Variants in OOEP observed in about 807,000 individuals in gnomAD.
OOEP encodes oocyte expressed protein.
In OOEP, 16 loss-of-function variants were observed where a neutral mutation model predicts 13.7. That is an observed-to-expected ratio of 1.16 (90% CI 0.79 to 1.77). The LOEUF (loss-of-function observed/expected upper bound fraction) is 1.77. OOEP is among the 40% of genes most tolerant of loss of function. The pLI is 0.00. For synonymous variants in OOEP, 89 were observed against 77.1 expected, an observed-to-expected ratio of 1.15 and a Z score of -0.81; for missense variants, 195 against 193.1, an observed-to-expected ratio of 1.01 and a Z score of -0.06.
chr6:73,386,841 G>T (rs1258051735), intron 2 of OOEP, among the ~76,000 whole-genome samples: 3 of 150,902 alleles, frequency 2.0e-5, no homozygotes, highest in African/African-American at 7.3e-5. Context: ...GGTGGCAGGC[G>T]CCTGTAATCC....
chr6:73,386,241 T>C (rs943496094), intron 2 of OOEP, among the ~76,000 whole-genome samples: 2 of 152,064 alleles, frequency 1.3e-5, no homozygotes, highest in Admixed American at 1.3e-4. Context: ...ATTACAGGCA[T>C]GTGCCACCAT....
intron 2 of OOEP, among the ~76,000 whole-genome samples, chr6:73,387,383 A>G (rs1291155879): frequency 5.3e-5 from 8 of 151,916 alleles, no homozygotes. Context: ...GTGTGGTGGC[A>G]GGTGCCTTTA....
chr6:73,373,194 G>A, upstream of OOEP: 2 of 1,612,400 alleles, frequency 1.2e-6, no homozygotes, highest in Non-Finnish European at 1.7e-6. Flanking sequence ...ATCCACTGGG[G>A]AATGGGACGA....
upstream of OOEP, chr6:73,395,122 G>A: frequency 1.2e-6 from 2 of 1,613,932 alleles, no homozygotes; most frequent in East Asian, 4.5e-5. Flanking sequence ...GCTGTGTTTT[G>A]CTTTGAAGAG....
chr6:73,373,749 C>T (rs947440817), upstream of OOEP, among the ~76,000 whole-genome samples: 1 of 151,732 alleles, frequency 6.6e-6, no homozygotes, highest in African/African-American at 2.4e-5. Flanking sequence ...ACCACCACAC[C>T]CAGCTAATTT....
Position 73,369,597 on chromosome 6 carries a change from G to A in OOEP, c.190+6C>T. The A allele has an allele frequency of 1.9e-6, 3 of 1,612,092 alleles. No homozygotes were observed. Among genetic ancestry groups the A allele is most frequent in the Middle Eastern group, 3.3e-4 (2 of 6,008 alleles). ...ACAGCCCACTAGCACACCTGGGGTC[G>A]CTCACCAAAGAGCTCGTCTGCCAGC... On this transcript the variant is annotated splice_donor_region_variant and intron_variant, in intron 1 of 2. Coordinates refer to ENST00000370359, the MANE Select transcript of OOEP (RefSeq NM_001080507.3).
At chr6:73,380,511 G>A (rs953260338) in intron 2 of OOEP, among the ~76,000 whole-genome samples, 1 of 152,078 alleles carries the variant, frequency 6.6e-6, no homozygotes, top group African/African-American at 2.4e-5. Flanking sequence ...ACAATGAAAT[G>A]TTATATACCA....
At chr6:73,394,709 C>A in intron 1 of OOEP, 1 of 770,514 alleles carries the variant, frequency 1.3e-6, no homozygotes, top group South Asian at 1.9e-5. Context: ...GTCCCGCCCA[C>A]AACGCTCACT....
In OOEP at chr6:73,386,352, C is replaced by T. The variant is rs149269521; in HGVS notation, c.25+7994G>A. Among the ~76,000 whole-genome samples the T allele has an allele frequency of 9.5e-3, 1,451 of 152,124 alleles. 24 individuals carry two copies. The highest frequency in any genetic ancestry group is 0.033 in the African/African-American group (1,381 of 41,510). ...CAGGTGATCTGCCTGCCTTGGCCTC[C>T]CAAAGTGCTGGGATTACAGGCATGA... On this transcript the variant is annotated intron_variant, in intron 2 of 3. Coordinates refer to the OOEP transcript ENST00000370363.
rs1769229282 is a variant in OOEP at position 73,382,977 on chromosome 6, C to A, written c.25+11369G>T. On this transcript the variant is annotated intron_variant, in intron 2 of 3. Coordinates refer to the OOEP transcript ENST00000370363. ...TCAGCCTTCCAAGTAACTGGAACTA[C>A]AGGCATGCGCCACCATGCACGTCTA... Among the ~76,000 whole-genome samples the A allele has an allele frequency of 5.4e-5, 8 of 148,878 alleles. No homozygotes were observed. In the Admixed American group the frequency reaches 5.5e-4, roughly 10 times the overall value.
intron 2 of OOEP, among the ~76,000 whole-genome samples, chr6:73,388,392 A>C (rs1440148672): frequency 6.6e-6 from 1 of 152,102 alleles, no homozygotes; most frequent in Non-Finnish European, 1.5e-5. Flanking sequence ...CTAGAAGAAA[A>C]CTCAGAAGGA....
chr6:73,373,363 C>CTCAAA, upstream of OOEP: 1 of 1,239,078 alleles, frequency 8.1e-7, no homozygotes, highest in Non-Finnish European at 1.2e-6. Context: ...CTCACTCTGT[C>CTCAAA]ACCCAGGCTA....
At chr6:73,386,275 G>C (rs773446402) in intron 2 of OOEP, among the ~76,000 whole-genome samples, 1 of 151,800 alleles carries the variant, frequency 6.6e-6, no homozygotes, top group Non-Finnish European at 1.5e-5. Flanking sequence ...TGTATTTTTA[G>C]TAGAGACGGG....
At chr6:73,374,756 C>G (rs938647136), upstream of OOEP, among the ~76,000 whole-genome samples, 1 of 151,950 alleles carries the variant, frequency 6.6e-6, no homozygotes, top group Non-Finnish European at 1.5e-5. Flanking sequence ...AAATATGTCT[C>G]CTAATCGTTG....
rs1320168142 is a variant in OOEP, at chr6:73,369,667, C to T, written c.126G>A (p.Pro42=). The T allele has an allele frequency of 1.9e-6, 3 of 1,614,048 alleles. No individual in the cohort carries two copies. Among genetic ancestry groups the T allele is most frequent in the Non-Finnish European group, 2.5e-6 (3 of 1,179,892 alleles). Residue 42 remains proline, a synonymous_variant, in exon 1 of 3, where the codon CCG becomes CCA. Transcript: ENST00000370359. ...CCAAAGGGTCTCTCAGTTCCTGCAC[C>T]GGAAACCACCAGGGCCGGATGCGAA... ...PQIRIRPWWF[P]VQELRDPLVF...
In OOEP at chr6:73,394,739, T is replaced by C. The variant is rs1582632676; in HGVS notation, c.-139A>G. 5.2e-6 allele frequency: 5 copies of C among 962,294 alleles called. No individual in the cohort carries two copies. In the East Asian group the frequency reaches 1.3e-4, roughly 25 times the overall value. The allele number at this position is 962,294 out of a possible 1,614,324, so 59.6% of individuals were successfully genotyped here. A position where few individuals can be genotyped will look rare whatever the true frequency, so the allele number is the denominator to read the frequency against. ...CTCACTGGCCAATGGCTGCGTGAAA[T>C]CAGTGCGAAGTGGGCGGGATAGAGA... On this transcript the variant is annotated 5_prime_UTR_variant, in exon 1 of 4. Coordinates refer to the OOEP transcript ENST00000370363.
At chr6:73,380,115 C>T (rs1465736084) in intron 2 of OOEP, among the ~76,000 whole-genome samples, 1 of 152,022 alleles carries the variant, frequency 6.6e-6, no homozygotes, top group Admixed American at 6.6e-5. Context: ...ATTTAATTTT[C>T]CAAATACTGA....
chr6:73,374,715 G>A (rs1297373797), upstream of OOEP, among the ~76,000 whole-genome samples: 1 of 151,398 alleles, frequency 6.6e-6, no homozygotes, highest in Non-Finnish European at 1.5e-5. Flanking sequence ...GCCGTGCCCA[G>A]CCTAGCCTGG....
chr6:73,373,452 C>G (rs1011676968), upstream of OOEP, among the ~76,000 whole-genome samples: 8 of 152,294 alleles, frequency 5.3e-5, no homozygotes, highest in African/African-American at 1.9e-4. Context: ...AGACAGAGGT[C>G]TCCCTATGTT....
Sources: allele counts gnomAD v4.1 joint callset (sites outside exome capture counted in the v4.1 genomes callset), GRCh38; gene constraint gnomAD v4.1.1; transcripts MANE v1.5; gene names NCBI Gene and HGNC (gene_info 2026-07-23, HGNC 2026-07-21).